Variants in TTC29 observed in about 807,000 individuals in gnomAD.
The protein encoded by TTC29 is tetratricopeptide repeat protein 29.
Under a neutral mutation model 58.1 loss-of-function variants are expected in TTC29, and 49 were observed. The ratio of observed to expected loss-of-function variants is 0.84; its 90% CI spans 0.67 to 1.07. TTC29 has a LOEUF of 1.07. Ranked by LOEUF, TTC29 falls within the 50% of genes least tolerant of loss-of-function variation. TTC29 has a pLI of 0.00. For synonymous variants in TTC29, 209 were observed against 196.8 expected (o/e 1.06, Z -0.52); for missense variants, 582 against 555.6 (o/e 1.05, Z -0.48).
intron 6 of TTC29, among the ~76,000 whole-genome samples, chr4:146,889,688 C>G (rs1732222949): frequency 6.6e-6 from 1 of 152,026 alleles, no homozygotes; most frequent in African/African-American, 2.4e-5. Flanking sequence ...TAAGAAATTA[C>G]AATGAAATTT....
chr4:146,910,537 A>G (rs1463816428), intron 4 of TTC29, among the ~76,000 whole-genome samples: 2 of 152,004 alleles, frequency 1.3e-5, no homozygotes, highest in Non-Finnish European at 2.9e-5. Context: ...GGAAGTTTAG[A>G]AAAAAAGGCA....
intron 6 of TTC29, among the ~76,000 whole-genome samples, chr4:146,901,040 T>TG (rs71592480): frequency 0.29 from 43,470 of 151,754 alleles, 6,684 homozygotes; most frequent in South Asian, 0.41. Context: ...CTTCTTTTGG[T>TG]GGGGGGGTCA....
At chr4:146,795,321 G>T (rs1749758079) in intron 11 of TTC29, among the ~76,000 whole-genome samples, 2 of 152,084 alleles carry the variant, frequency 1.3e-5, no homozygotes, top group South Asian at 4.1e-4. Flanking sequence ...TTAAAATGAA[G>T]ACATATGCTA....
chr4:146,922,810 C>G (rs1193146705), intron 4 of TTC29, among the ~76,000 whole-genome samples: 1 of 151,680 alleles, frequency 6.6e-6, no homozygotes, highest in Non-Finnish European at 1.5e-5. Flanking sequence ...ATAGAAGAGG[C>G]TTTAACATTA....
At chr4:146,766,806 T>G (rs570912695) in intron 11 of TTC29, among the ~76,000 whole-genome samples, 14 of 152,012 alleles carry the variant, frequency 9.2e-5, no homozygotes, top group Admixed American at 3.3e-4. Context: ...CCTAGGTAGG[T>G]TAGAAGGGCT....
At chr4:146,943,659 CAG>C (rs1032486317) in intron 2 of TTC29, among the ~76,000 whole-genome samples, 9 of 152,124 alleles carry the variant, frequency 5.9e-5, no homozygotes, top group Non-Finnish European at 1.3e-4. Context: ...AATTTTATGA[CAG>C]AGTTAATATT....
At chr4:146,768,893 C>A (rs1275614279) in intron 11 of TTC29, among the ~76,000 whole-genome samples, 2 of 151,938 alleles carry the variant, frequency 1.3e-5, no homozygotes, top group Admixed American at 1.3e-4. Flanking sequence ...CATGTCATAA[C>A]AATGTATCTA....
chr4:146,779,359 A>T (rs764593612), intron 11 of TTC29, among the ~76,000 whole-genome samples: 27 of 152,124 alleles, frequency 1.8e-4, no homozygotes, highest in Non-Finnish European at 3.2e-4. Flanking sequence ...AATGTTACCA[A>T]TGTCTAGGTA....
At chr4:146,713,852 T>A (rs767618892) in intron 11 of TTC29, among the ~76,000 whole-genome samples, 6 of 152,156 alleles carry the variant, frequency 3.9e-5, no homozygotes, top group Non-Finnish European at 7.4e-5. Flanking sequence ...GAATTTCTTT[T>A]TCTGGGCATC....
intron 11 of TTC29, among the ~76,000 whole-genome samples, chr4:146,775,602 C>G (rs1748034173): frequency 6.6e-6 from 1 of 150,942 alleles, no homozygotes; most frequent in African/African-American, 2.4e-5. Context: ...TGACTTGTAG[C>G]ATTTCTGCTG....
At chr4:146,853,545 C>T (rs1001987785) in intron 8 of TTC29, among the ~76,000 whole-genome samples, 1 of 151,910 alleles carries the variant, frequency 6.6e-6, no homozygotes, top group African/African-American at 2.4e-5. Flanking sequence ...TTTCACCATT[C>T]CAAACAGCAT....
At chr4:146,888,384 C>A (rs534722340) in intron 6 of TTC29, among the ~76,000 whole-genome samples, 1 of 152,036 alleles carries the variant, frequency 6.6e-6, no homozygotes, top group Non-Finnish European at 1.5e-5. Flanking sequence ...TGAATGGGTT[C>A]GCTAACATGG....
At chr4:146,877,678 T>TTCA (rs369834532) in intron 6 of TTC29, among the ~76,000 whole-genome samples, 10,728 of 152,212 alleles carry the variant, frequency 0.07, 477 homozygotes, top group Admixed American at 0.13. Context: ...AGAGTTCCTT[T>TTCA]TCTTTTTTCA....
Position 146,867,508 on chromosome 4 carries a change from G to T in TTC29, c.875C>A (p.Thr292Lys). ...AAAAGTTTAGCTTACTGTTAATGCT[G>T]TTTCATATTCCTCAGCAGCTAAGTG... The part of the protein sequence containing the change: ...LAHLAAEEYE[T>K]ALTVLDTYCK... Residue 292 changes from threonine (T) to lysine (K), a missense_variant, in exon 8 of 13, where the codon ACA becomes AAA. By Grantham distance (78) the Thr-to-Lys change is moderately conservative (BLOSUM62 -1). Transcript: ENST00000325106. The T allele has an allele frequency of 6.6e-7, 1 of 1,515,592 alleles. No individual in the cohort carries two copies. Among genetic ancestry groups the T allele is most frequent in the South Asian group, 1.3e-5 (1 of 74,462 alleles). The allele number at this position is 1,515,592 out of a possible 1,614,324, so 93.9% of individuals were successfully genotyped here.
At chr4:146,708,657 C>T (rs932987398) in intron 11 of TTC29, among the ~76,000 whole-genome samples, 1 of 151,640 alleles carries the variant, frequency 6.6e-6, no homozygotes, top group Non-Finnish European at 1.5e-5. Flanking sequence ...TTATGACAGG[C>T]CCCAGTTTTC....
At chr4:146,820,289 A>T in intron 9 of TTC29, 41 bp from the exon 10 acceptor site, 1 of 1,589,228 alleles carries the variant, frequency 6.3e-7, no homozygotes, top group Non-Finnish European at 8.6e-7. Context: ...GTATCATCTC[A>T]CTTAATGTCA....
At chr4:146,876,916 C>T (rs1316596243) in intron 6 of TTC29, among the ~76,000 whole-genome samples, 2 of 119,506 alleles carry the variant, frequency 1.7e-5, no homozygotes, top group East Asian at 2.5e-4. Context: ...AGCCTGTCAA[C>T]AGAGCAAGAC....
intron 10 of TTC29, among the ~76,000 whole-genome samples, chr4:146,805,821 C>A (rs541344030): frequency 6.6e-6 from 1 of 152,202 alleles, no homozygotes; most frequent in South Asian, 2.1e-4. Flanking sequence ...CTTCAGGATA[C>A]TATATGGGAG....
At chr4:146,883,177 C>T (rs1280726277) in intron 6 of TTC29, among the ~76,000 whole-genome samples, 1 of 151,992 alleles carries the variant, frequency 6.6e-6, no homozygotes, top group African/African-American at 2.4e-5. Flanking sequence ...AACTTCAAAG[C>T]CAGAGACCAG....
Sources: allele counts gnomAD v4.1 joint callset (sites outside exome capture counted in the v4.1 genomes callset), GRCh38; gene constraint gnomAD v4.1.1; transcripts MANE v1.5; gene names NCBI Gene and HGNC (gene_info 2026-07-23, HGNC 2026-07-21).